SRGAP1: variants seen among roughly 807,000 people sequenced by gnomAD.
SRGAP1 encodes SLIT-ROBO Rho GTPase-activating protein 1.
Under a neutral mutation model 121.9 loss-of-function variants are expected in SRGAP1, and 43 were observed. That is an observed-to-expected ratio of 0.35 (90% CI 0.28 to 0.46). The LOEUF is 0.46. Ranked by LOEUF, SRGAP1 falls within the 20% of genes least tolerant of loss-of-function variation. The pLI is 1.00. For missense variants in SRGAP1, 1,102 were observed against 1,350.9 expected (o/e 0.82, Z 2.89); for synonymous variants, 447 against 485.4 (o/e 0.92, Z 1.04).
chr12:63,880,133 C>T (rs893511595), intron 1 of SRGAP1, among the ~76,000 whole-genome samples: 1 of 152,208 alleles, frequency 6.6e-6, no homozygotes, highest in Admixed American at 6.5e-5. Context: ...TGCACACACT[C>T]TCTAGCCTGC....
chr12:64,020,758 G>A (rs550358439), intron 4 of SRGAP1, among the ~76,000 whole-genome samples: 40 of 149,520 alleles, frequency 2.7e-4, no homozygotes, highest in African/African-American at 8.9e-4. Context: ...CAGGACAATC[G>A]CTTGAACCCA....
At chr12:64,000,384 G>A (rs1052992869) in intron 3 of SRGAP1, among the ~76,000 whole-genome samples, 1 of 151,950 alleles carries the variant, frequency 6.6e-6, no homozygotes, top group Non-Finnish European at 1.5e-5. Flanking sequence ...TGAAGTGGGA[G>A]GATCACTTGA....
At chr12:63,886,097 G>A (rs925774643) in intron 1 of SRGAP1, among the ~76,000 whole-genome samples, 1 of 152,018 alleles carries the variant, frequency 6.6e-6, no homozygotes, top group Non-Finnish European at 1.5e-5. Context: ...GTCTCACTCC[G>A]CTGCCCAGGC....
chr12:64,090,401 C>T (rs2036029642), intron 11 of SRGAP1, among the ~76,000 whole-genome samples: 1 of 152,120 alleles, frequency 6.6e-6, no homozygotes, highest in Middle Eastern at 3.2e-3. Context: ...AATAATAACT[C>T]ATGCGAGCCT....
chr12:64,004,349 A>G (rs1416088777), intron 3 of SRGAP1, among the ~76,000 whole-genome samples: 2 of 152,018 alleles, frequency 1.3e-5, no homozygotes, highest in Non-Finnish European at 2.9e-5. Context: ...AATAAAGTTC[A>G]TATTCTTTTT....
chr12:63,891,734 C>T (rs1054019691), intron 1 of SRGAP1, among the ~76,000 whole-genome samples: 3 of 152,100 alleles, frequency 2.0e-5, no homozygotes, highest in African/African-American at 4.8e-5. Flanking sequence ...CACCTGTAAT[C>T]CCAGTACTTT....
intron 1 of SRGAP1, among the ~76,000 whole-genome samples, chr12:63,850,085 G>A (rs1899026979): frequency 6.6e-6 from 1 of 152,140 alleles, no homozygotes; most frequent in African/African-American, 2.4e-5. Flanking sequence ...CAGCTTCACA[G>A]GGTGGCCTTT....
chr12:63,910,732 A>G (rs2030454299), intron 1 of SRGAP1, among the ~76,000 whole-genome samples: 1 of 152,212 alleles, frequency 6.6e-6, no homozygotes, highest in Admixed American at 6.5e-5. Context: ...TAGGTACACC[A>G]TAATATTTTC....
At chr12:64,043,734 C>A in intron 6 of SRGAP1, 159 bp downstream of exon 6, 1 of 524,410 alleles carries the variant, frequency 1.9e-6, no homozygotes, top group Non-Finnish European at 3.2e-6. Context: ...AATATGAAGA[C>A]ACTATCATCT....
chr12:63,903,606 A>G (rs563539769), intron 1 of SRGAP1, among the ~76,000 whole-genome samples: 87 of 148,136 alleles, frequency 5.9e-4, no homozygotes, highest in Non-Finnish European at 7.4e-4. Flanking sequence ...CCCAGGCTGG[A>G]GTGCAATGGC....
At chr12:63,978,129 A>G (rs1207040417) in intron 1 of SRGAP1, among the ~76,000 whole-genome samples, 1 of 152,224 alleles carries the variant, frequency 6.6e-6, no homozygotes, top group Non-Finnish European at 1.5e-5. Context: ...TGTTGCTATT[A>G]CTGCTATCAT....
chr12:63,993,377 C>T (rs2033609072), intron 3 of SRGAP1, among the ~76,000 whole-genome samples: 1 of 152,138 alleles, frequency 6.6e-6, no homozygotes, highest in Admixed American at 6.6e-5. Flanking sequence ...TCTTTTCTAG[C>T]TCTTCTTCCA....
At chr12:63,978,509 G>A (rs2033154009) in intron 1 of SRGAP1, among the ~76,000 whole-genome samples, 1 of 152,122 alleles carries the variant, frequency 6.6e-6, no homozygotes, top group African/African-American at 2.4e-5. Context: ...ATGTTTTCAA[G>A]GTTCATCCAT....
intron 1 of SRGAP1, among the ~76,000 whole-genome samples, chr12:63,848,702 G>A (rs1191532267): frequency 6.6e-6 from 1 of 152,048 alleles, no homozygotes; most frequent in Non-Finnish European, 1.5e-5. Context: ...GCACCACCAT[G>A]CCTGACTAAT....
chr12:63,988,814 C>A (rs930069092), intron 2 of SRGAP1, among the ~76,000 whole-genome samples: 3 of 152,120 alleles, frequency 2.0e-5, no homozygotes, highest in African/African-American at 4.8e-5. Context: ...AAAAAAATTT[C>A]TTTTCTTTGT....
intron 1 of SRGAP1, chr12:63,887,713 AT>A (rs1900437463): frequency 6.6e-6 from 1 of 152,258 alleles, no homozygotes; most frequent in Non-Finnish European, 1.5e-5. Flanking sequence ...TCCCCCGGGA[AT>A]CATGTGCTGT....
At chr12:63,944,481 C>T (rs1319548769) in intron 1 of SRGAP1, among the ~76,000 whole-genome samples, 1 of 152,158 alleles carries the variant, frequency 6.6e-6, no homozygotes, top group African/African-American at 2.4e-5. Context: ...AAAGGCCCAA[C>T]CTCCAAATAT....
At chr12:64,092,455 GACAT>G (rs1416263471) in intron 12 of SRGAP1, among the ~76,000 whole-genome samples, 1 of 147,254 alleles carries the variant, frequency 6.8e-6, no homozygotes, top group Non-Finnish European at 1.5e-5. Context: ...CATGTATAAG[GACAT>G]ACATACATAT....
In SRGAP1 at chr12:64,158,477, A is replaced by C. The variant is rs2037183027; in HGVS notation, c.*15805A>C. 1 of 152,240 alleles carries C rather than the reference A, an allele frequency of 6.6e-6. No homozygotes were observed. Among genetic ancestry groups the C allele is most frequent in the African/African-American group, 2.4e-5 (1 of 41,464 alleles). 9.4% of individuals were successfully genotyped at this position (152,240 alleles called of 1,614,324 possible). A position where few individuals can be genotyped will look rare whatever the true frequency, so the allele number is the denominator to read the frequency against. ...CTACCCTCTTAGTTGACATAGAATT[A>C]AATTAAAATCAGTATTGATTGGATT... is the stretch of plus-strand genomic sequence containing the variant. On this transcript the variant is annotated 3_prime_UTR_variant, in exon 22 of 22. Coordinates refer to ENST00000355086, the MANE Select transcript of SRGAP1 (RefSeq NM_020762.4).
Sources: allele counts gnomAD v4.1 joint callset (sites outside exome capture counted in the v4.1 genomes callset), GRCh38; gene constraint gnomAD v4.1.1; transcripts MANE v1.5; gene names NCBI Gene and HGNC (gene_info 2026-07-23, HGNC 2026-07-21).